The following PCDHA2 variants were observed in gnomAD, a reference collection of about 807,000 sequenced individuals.
PCDHA2 encodes the protein protocadherin alpha-2.
Under a neutral mutation model 66.0 loss-of-function variants are expected in PCDHA2, and 58 were observed. That is an observed-to-expected ratio of 0.88 (90% CI 0.71 to 1.09). The LOEUF is 1.09. Among genes scored for constraint, PCDHA2 ranks in the 50% least tolerant of loss-of-function variants. The probability of loss-of-function intolerance (pLI) is 0.00; values close to 1 mark genes in which losing one functional copy is unlikely to be tolerated. For missense variants in PCDHA2, 1,267 were observed against 1,242.3 expected (o/e 1.02, Z -0.30); for synonymous variants, 634 against 554.0 (o/e 1.14, Z -2.03).
chr5:140,869,476 G>C (rs530490517), intron 1 of PCDHA2: 71 of 1,614,076 alleles, frequency 4.4e-5, no homozygotes, highest in Non-Finnish European at 5.9e-5. Context: ...GGAGGTGAAG[G>C]ACATTAACGA....
chr5:140,877,070 T>A (rs2056830444), intron 1 of PCDHA2: 4 of 1,613,050 alleles, frequency 2.5e-6, no homozygotes, highest in Non-Finnish European at 3.4e-6. Flanking sequence ...CTGCTGCAGT[T>A]CCAGGTGAGC....
At chr5:140,922,107 T>C (rs1250364037) in intron 1 of PCDHA2, among the ~76,000 whole-genome samples, 1 of 152,028 alleles carries the variant, frequency 6.6e-6, no homozygotes, top group East Asian at 1.9e-4. Context: ...TATAGATAAA[T>C]GAAAATTCAC....
In PCDHA2 at chr5:140,927,579, C is replaced by T. The variant is rs369243383; in HGVS notation, c.2389-51370C>T. The T allele has an allele frequency of 3.2e-4, 517 of 1,614,178 alleles. 2 individuals are homozygous for T. Among genetic ancestry groups the T allele is most frequent in the Non-Finnish European group, 4.1e-4 (483 of 1,180,030 alleles). On this transcript the variant is annotated intron_variant, in intron 1 of 3. Coordinates refer to ENST00000526136, the MANE Select transcript of PCDHA2 (RefSeq NM_018905.3). ...TCATTGTGGTGGACACAAATGACAA[C>T]GCGCCTGTATTTGAGCGCTCCGTAT...
intron 1 of PCDHA2, chr5:140,868,273 C>A (rs1311976993): frequency 6.6e-6 from 1 of 151,892 alleles, no homozygotes; most frequent in Non-Finnish European, 1.5e-5. Flanking sequence ...TTTTTTAAAA[C>A]TACCAAGTTT....
At chr5:140,968,288 C>A in intron 1 of PCDHA2, 1 of 1,613,976 alleles carries the variant, frequency 6.2e-7, no homozygotes, top group Non-Finnish European at 8.5e-7. Context: ...GACCTACTCC[C>A]TTCTGGAGAG....
rs1314333890 is a variant in PCDHA2, at chr5:141,000,908, T to TA, written c.2537-8708dup. ...GGGCAACAGATATAGACGCTGTCTCTAAAAAAAAAAATCCTGTGTGATTTA... is the reference window on the plus strand; with the variant it reads ...GGGCAACAGATATAGACGCTGTCTCTAAAAAAAAAAAATCCTGTGTGATTTA... On this transcript the variant is annotated intron_variant, in intron 3 of 3. Coordinates refer to ENST00000526136, the MANE Select transcript of PCDHA2 (RefSeq NM_018905.3). Among the ~76,000 whole-genome samples the TA allele has an allele frequency of 4.2e-4, 62 of 147,094 alleles. 1 individual carries two copies. Among genetic ancestry groups the TA allele is most frequent in the South Asian group, 3.0e-3 (14 of 4,626 alleles).
intron 1 of PCDHA2, among the ~76,000 whole-genome samples, chr5:140,893,926 C>G (rs1481035774): frequency 6.6e-6 from 1 of 152,180 alleles, no homozygotes; most frequent in Non-Finnish European, 1.5e-5. Context: ...TTTTCAGAAT[C>G]TCTACCTGTT....
At chr5:140,850,702 AGCCGAC>A (rs2150495011) in intron 1 of PCDHA2, 2 of 1,598,050 alleles carry the variant, frequency 1.3e-6, no homozygotes, top group Non-Finnish European at 1.7e-6. Flanking sequence ...GCGCCTGGCA[AGCCGAC>A]GCTGGTGTGT....
At chr5:140,857,386 C>T (rs782509093) in intron 1 of PCDHA2, 1 of 1,598,308 alleles carries the variant, frequency 6.3e-7, no homozygotes. Context: ...AGGTGGCCGA[C>T]GTGAACGACA....
chr5:140,906,878 C>T (rs557095374), intron 1 of PCDHA2, among the ~76,000 whole-genome samples: 1 of 152,332 alleles, frequency 6.6e-6, no homozygotes, highest in East Asian at 1.9e-4. Context: ...AACACTGTAA[C>T]TTCCTTCTTA....
chr5:140,862,807 C>T (rs782675641), intron 1 of PCDHA2: 1 of 572,850 alleles, frequency 1.7e-6, no homozygotes, highest in East Asian at 4.7e-5. Context: ...GGAGCTGCTG[C>T]AGTTCTAGGT....
At chr5:140,841,815 ACTC>A in intron 1 of PCDHA2, 1 of 1,613,826 alleles carries the variant, frequency 6.2e-7, no homozygotes, top group Non-Finnish European at 8.5e-7. Flanking sequence ...GTTGGAGCTA[ACTC>A]CGTGTTAACC....
chr5:140,817,869 A>G (rs1392490266), intron 1 of PCDHA2, among the ~76,000 whole-genome samples: 4 of 152,170 alleles, frequency 2.6e-5, no homozygotes, highest in African/African-American at 9.7e-5. Context: ...TTGGGTATTG[A>G]ATGAAAGTTA....
intron 1 of PCDHA2, among the ~76,000 whole-genome samples, chr5:140,971,538 C>T (rs1162304462): frequency 6.6e-6 from 1 of 152,122 alleles, no homozygotes; most frequent in African/African-American, 2.4e-5. Flanking sequence ...GTCATCATTG[C>T]CAGATCAACC....
chr5:140,830,085 T>C, intron 1 of PCDHA2: 2 of 1,613,570 alleles, frequency 1.2e-6, no homozygotes, highest in Non-Finnish European at 1.7e-6. Flanking sequence ...ACGGCCACGG[T>C]TCTGGTGTCG....
At chr5:140,957,189 G>T (rs1376112973) in intron 1 of PCDHA2, among the ~76,000 whole-genome samples, 1 of 152,174 alleles carries the variant, frequency 6.6e-6, no homozygotes, top group South Asian at 2.1e-4. Context: ...ATTGATGACC[G>T]ATTGGGAATA....
At chr5:140,840,154 A>G (rs1212681369) in intron 1 of PCDHA2, among the ~76,000 whole-genome samples, 1 of 152,048 alleles carries the variant, frequency 6.6e-6, no homozygotes, top group Admixed American at 6.6e-5. Flanking sequence ...ACGTGAAAGG[A>G]GAGATGGGAT....
At chr5:140,928,077 C>T in intron 1 of PCDHA2, 1 of 1,614,230 alleles carries the variant, frequency 6.2e-7, no homozygotes, top group Non-Finnish European at 8.5e-7. Context: ...ACAACTACTA[C>T]AGCCTGCTGA....
In PCDHA2 at chr5:140,876,702, C is replaced by A. The variant is rs1554168805; in HGVS notation, c.2388+79350C>A. 6.2e-7 allele frequency: 1 copy of A among 1,614,242 alleles called. No homozygotes were observed. Among genetic ancestry groups the A allele is most frequent in the Admixed American group, 1.7e-5 (1 of 60,028 alleles). The stretch of plus-strand genomic sequence containing the variant: ...AGAATTACTACTCGTTGGTGCTGGA[C>A]AGCGCCCTGGACCGCGAGAGCGTGT... On this transcript the variant is annotated intron_variant, in intron 1 of 3. Coordinates refer to ENST00000526136, the MANE Select transcript of PCDHA2 (RefSeq NM_018905.3).
Sources: allele counts gnomAD v4.1 joint callset (sites outside exome capture counted in the v4.1 genomes callset), GRCh38; gene constraint gnomAD v4.1.1; transcripts MANE v1.5; gene names NCBI Gene and HGNC (gene_info 2026-07-23, HGNC 2026-07-21).